The following TMEM182 variants were observed in gnomAD, a reference collection of about 807,000 sequenced individuals.
TMEM182 encodes the protein transmembrane protein 182.
TMEM182 carries 20 observed loss-of-function variants against 26.8 expected under a neutral mutation model. That is an observed-to-expected ratio of 0.75 (90% CI 0.53 to 1.09). TMEM182 has a LOEUF of 1.09. Among genes scored for constraint, TMEM182 ranks in the 50% least tolerant of loss-of-function variants. The pLI is 0.00. For synonymous variants in TMEM182, 109 were observed against 102.2 expected, an observed-to-expected ratio of 1.07 and a Z score of -0.40; for missense variants, 277 against 275.5, an observed-to-expected ratio of 1.01 and a Z score of -0.04.
chr2:102,835,035 C>T (rs1203138548), intron 3 of TMEM182, among the ~76,000 whole-genome samples: 1 of 152,060 alleles, frequency 6.6e-6, no homozygotes, highest in Non-Finnish European at 1.5e-5. Flanking sequence ...GCACACAAAG[C>T]AATTGTGGGG....
At chr2:102,798,978 A>G (rs976661088) in intron 4 of TMEM182, among the ~76,000 whole-genome samples, 5 of 152,246 alleles carry the variant, frequency 3.3e-5, no homozygotes, top group Non-Finnish European at 7.3e-5. Context: ...CAAATAGAAA[A>G]GTAATTGAAG....
chr2:102,826,905 CA>C (rs75297481), intron 3 of TMEM182, among the ~76,000 whole-genome samples: 11 of 148,318 alleles, frequency 7.4e-5, no homozygotes, highest in African/African-American at 9.9e-5. Context: ...GTTGGCCAAT[CA>C]AAAAAAAAAT....
intron 1 of TMEM182, among the ~76,000 whole-genome samples, chr2:102,738,480 A>C (rs1679436006): frequency 6.6e-6 from 1 of 152,112 alleles, no homozygotes; most frequent in Admixed American, 6.5e-5. Flanking sequence ...CTGTAGTCCC[A>C]GCTACTTGGG....
upstream of TMEM182, among the ~76,000 whole-genome samples, chr2:102,758,664 T>G (rs1256818172): frequency 6.6e-6 from 1 of 152,048 alleles, no homozygotes; most frequent in Non-Finnish European, 1.5e-5. Context: ...GCTCAGGAGG[T>G]CATGTATTTG....
intron 3 of TMEM182, among the ~76,000 whole-genome samples, chr2:102,831,157 C>A (rs545078957): frequency 6.7e-4 from 102 of 152,332 alleles, no homozygotes; most frequent in African/African-American, 2.2e-3. Context: ...AACAGTGCTG[C>A]AACAAACATA....
At chr2:102,836,022 A>G (rs929665357) in intron 3 of TMEM182, among the ~76,000 whole-genome samples, 1 of 151,924 alleles carries the variant, frequency 6.6e-6, no homozygotes, top group Non-Finnish European at 1.5e-5. Context: ...GGGTTATTTC[A>G]CTTGGTAATA....
At chr2:102,746,597 AT>A (rs1178552385) in intron 1 of TMEM182, among the ~76,000 whole-genome samples, 3 of 150,416 alleles carry the variant, frequency 2.0e-5, no homozygotes, top group Admixed American at 6.6e-5. Flanking sequence ...TGAGTTACTT[AT>A]TTTTTTTTTC....
exon 4 of TMEM182, chr2:102,843,428 C>T (rs1172793723): frequency 1.3e-5 from 2 of 152,230 alleles, no homozygotes; most frequent in Non-Finnish European, 2.9e-5. Flanking sequence ...TTTCTTCTCT[C>T]TGTTACTCAA....
intron 1 of TMEM182, among the ~76,000 whole-genome samples, chr2:102,754,868 G>T (rs1349940769): frequency 6.6e-6 from 1 of 152,182 alleles, no homozygotes; most frequent in Non-Finnish European, 1.5e-5. Context: ...TTAATAAAAA[G>T]TTAAGTAAAA....
At chr2:102,839,994 CA>C (rs1683316573) in intron 3 of TMEM182, among the ~76,000 whole-genome samples, 1 of 152,188 alleles carries the variant, frequency 6.6e-6, no homozygotes, top group Admixed American at 6.5e-5. Context: ...AAAGCAGCAA[CA>C]AAGCATGGGA....
rs1019538532 is a variant in TMEM182 at position 102,800,993 on chromosome 2, A to AT, written c.469+2999dup. Among the ~76,000 whole-genome samples, 9 of 151,982 alleles carry AT rather than the reference A, an allele frequency of 5.9e-5. No individual in the cohort carries two copies. In the South Asian group the frequency reaches 8.3e-4, roughly 14 times the overall value. ...ATATCCATACACCTGTAACTGGTGG[A>AT]TTTTTTCTTTTTGTTTTTATTGTGA... is the stretch of plus-strand genomic sequence containing the variant. On this transcript the variant is annotated intron_variant, in intron 4 of 4. Transcript: ENST00000412401.
At chr2:102,838,716 C>T (rs753659294) in intron 3 of TMEM182, among the ~76,000 whole-genome samples, 16 of 152,070 alleles carry the variant, frequency 1.1e-4, no homozygotes, top group Admixed American at 2.6e-4. Context: ...GACGTGTGTT[C>T]TGGGGTTCTG....
At chr2:102,806,299 A>G (rs912622592) in intron 4 of TMEM182, among the ~76,000 whole-genome samples, 1 of 152,162 alleles carries the variant, frequency 6.6e-6, no homozygotes, top group African/African-American at 2.4e-5. Flanking sequence ...CTAGAAGTAA[A>G]GGGCTGATGG....
intron 3 of TMEM182, among the ~76,000 whole-genome samples, chr2:102,779,160 A>G (rs1681053186): frequency 6.6e-6 from 1 of 151,790 alleles, no homozygotes; most frequent in South Asian, 2.1e-4. Flanking sequence ...CTTTTTCCTG[A>G]CCTTCCTGGT....
rs191382079 is a variant in TMEM182 at position 102,816,576 on chromosome 2, A to G, written c.*1608A>G. On this transcript the variant is annotated 3_prime_UTR_variant, in exon 5 of 5. Transcript: ENST00000412401. ...CTCCAGAGGCCTAACTGGTTTCTCA[A>G]GTCATTTCAGTGATATCATTGAAAC... The G allele has an allele frequency of 1.0e-4, 98 of 984,576 alleles. No homozygotes were observed. The highest frequency in any genetic ancestry group is 5.2e-4 in the African/African-American group (30 of 57,148). The allele number at this position is 984,576 out of a possible 1,614,324, so 61.0% of individuals were successfully genotyped here.
chr2:102,760,842 C>T, upstream of TMEM182, among the ~76,000 whole-genome samples: 1 of 152,102 alleles, frequency 6.6e-6, no homozygotes, highest in East Asian at 1.9e-4. Flanking sequence ...TGGTCTCCAC[C>T]CGCCTCGGCC....
chr2:102,802,437 A>C (rs560512883), intron 4 of TMEM182, among the ~76,000 whole-genome samples: 1 of 152,306 alleles, frequency 6.6e-6, no homozygotes, highest in East Asian at 1.9e-4. Context: ...CAGGAGAGTC[A>C]GTTCTGGGCA....
At chr2:102,792,536 C>G (rs1233264074) in intron 3 of TMEM182, among the ~76,000 whole-genome samples, 18 of 152,176 alleles carry the variant, frequency 1.2e-4, no homozygotes. Context: ...CTATGCAATT[C>G]TACAAGACAA....
At chr2:102,823,523 C>T (rs1373763457) in intron 3 of TMEM182, among the ~76,000 whole-genome samples, 4 of 151,854 alleles carry the variant, frequency 2.6e-5, no homozygotes, top group Non-Finnish European at 5.9e-5. Flanking sequence ...TTAGTAGAGA[C>T]GGGGTTTCAC....
Sources: gnomAD v4.1 joint callset for allele counts (sites outside exome capture counted in the v4.1 genomes callset) on GRCh38, gnomAD v4.1.1 for gene constraint, MANE v1.5 for transcripts, NCBI Gene and HGNC (gene_info 2026-07-23, HGNC 2026-07-21) for gene names.